Variants in PDE4D observed in about 807,000 individuals in gnomAD.
PDE4D encodes the protein 3',5'-cyclic-AMP phosphodiesterase 4D.
A neutral mutation model predicts 87.4 loss-of-function variants in PDE4D; 24 were observed. The observed-to-expected ratio is 0.27, with a 90% CI of 0.20 to 0.39. The LOEUF (loss-of-function observed/expected upper bound fraction) is 0.39. Ranked by LOEUF, PDE4D falls within the 10% of genes least tolerant of loss-of-function variation. The probability of loss-of-function intolerance (pLI) is 1.00; values close to 1 mark genes in which losing one functional copy is unlikely to be tolerated. For missense variants in PDE4D, 714 were observed against 1,041.0 expected (o/e 0.69, Z 4.32); for synonymous variants, 384 against 383.2 (o/e 1.00, Z -0.02).
At chr5:59,936,445 T>G (rs1756589884) in intron 3 of PDE4D, among the ~76,000 whole-genome samples, 1 of 152,216 alleles carries the variant, frequency 6.6e-6, no homozygotes, top group Non-Finnish European at 1.5e-5. Context: ...CTCAGGTGAT[T>G]CATTTATTAA....
chr5:58,979,773 T>A (rs11951359), intron 11 of PDE4D, among the ~76,000 whole-genome samples: 124 of 152,228 alleles, frequency 8.1e-4, no homozygotes, highest in African/African-American at 2.7e-3. Flanking sequence ...ACTTCTATAC[T>A]ACTTTGTACC....
At chr5:59,851,692 T>C (rs1007102336) in intron 1 of PDE4D, among the ~76,000 whole-genome samples, 3 of 151,964 alleles carry the variant, frequency 2.0e-5, no homozygotes, top group African/African-American at 7.2e-5. Flanking sequence ...GAGGTCAGGG[T>C]CAAATGAAGT....
At chr5:59,959,426 G>T (rs1045684405) in intron 3 of PDE4D, among the ~76,000 whole-genome samples, 1 of 152,010 alleles carries the variant, frequency 6.6e-6, no homozygotes, top group African/African-American at 2.4e-5. Flanking sequence ...TAAAGAAAAA[G>T]AACAAAGCCA....
intron 1 of PDE4D, among the ~76,000 whole-genome samples, chr5:59,587,837 G>C (rs1279294585): frequency 6.6e-6 from 1 of 152,306 alleles, no homozygotes; most frequent in Middle Eastern, 3.4e-3. Context: ...TAAACAAGGA[G>C]AAGCCTGTAA....
intron 1 of PDE4D, among the ~76,000 whole-genome samples, chr5:60,332,009 G>A (rs908395573): frequency 1.3e-5 from 2 of 152,234 alleles, no homozygotes; most frequent in African/African-American, 2.4e-5. Context: ...TCTCACTCTA[G>A]CTGTTGGATA....
intron 1 of PDE4D, among the ~76,000 whole-genome samples, chr5:60,423,567 C>T (rs1743339359): frequency 6.6e-6 from 1 of 151,990 alleles, no homozygotes; most frequent in African/African-American, 2.4e-5. Flanking sequence ...AAATTTATAG[C>T]ACTAAATGCA....
At chr5:60,317,462 A>G (rs1242853848) in intron 1 of PDE4D, among the ~76,000 whole-genome samples, 1 of 151,878 alleles carries the variant, frequency 6.6e-6, no homozygotes, top group African/African-American at 2.4e-5. Context: ...TGATTTTTTG[A>G]AGGGTTTTTT....
intron 1 of PDE4D, among the ~76,000 whole-genome samples, chr5:59,441,747 ATTCTAATTAACT>A (rs1397015396): frequency 6.6e-6 from 1 of 152,180 alleles, no homozygotes; most frequent in Non-Finnish European, 1.5e-5. Flanking sequence ...CTACCATCCA[ATTCTAATTAACT>A]GTGCACTTGA....
At chr5:59,847,544 C>A (rs1744047169) in intron 1 of PDE4D, among the ~76,000 whole-genome samples, 1 of 152,076 alleles carries the variant, frequency 6.6e-6, no homozygotes, top group South Asian at 2.1e-4. Flanking sequence ...CAGTCAAATT[C>A]TTCACGAGTC....
intron 1 of PDE4D, among the ~76,000 whole-genome samples, chr5:59,724,689 T>A (rs1021854613): frequency 3.9e-5 from 6 of 152,030 alleles, no homozygotes; most frequent in Non-Finnish European, 5.9e-5. Flanking sequence ...TGGGTGTGAG[T>A]GCACCACCAG....
intron 3 of PDE4D, among the ~76,000 whole-genome samples, chr5:59,973,848 CA>C (rs1471486182): frequency 6.6e-6 from 1 of 151,926 alleles, no homozygotes; most frequent in East Asian, 1.9e-4. Context: ...AACAAACAAA[CA>C]AAAAAATGAC....
intron 1 of PDE4D, among the ~76,000 whole-genome samples, chr5:59,445,723 T>C (rs889474842): frequency 9.2e-5 from 14 of 152,354 alleles, no homozygotes; most frequent in South Asian, 2.1e-4. Flanking sequence ...CTGGGAATTA[T>C]GTCATGTTGC....
chr5:59,124,094 C>A (rs1004300485), intron 5 of PDE4D, among the ~76,000 whole-genome samples: 1 of 152,164 alleles, frequency 6.6e-6, no homozygotes, highest in Admixed American at 6.5e-5. Flanking sequence ...CTTTTCCTAG[C>A]CCAAGTCCAG....
At position 59,443,075 on chromosome 5, in the gene PDE4D, C is replaced by A. The variant is rs545618513; in HGVS notation, c.456-227107G>T. On this transcript the variant is annotated intron_variant, in intron 1 of 14. Coordinates refer to ENST00000340635, the MANE Select transcript of PDE4D (RefSeq NM_001104631.2). ...CCCTGTCCTCACAAAGCTTACAATACTTTTTAGAAGAAATGACTTAAACAC... is the reference window on the plus strand; with the variant it reads ...CCCTGTCCTCACAAAGCTTACAATAATTTTTAGAAGAAATGACTTAAACAC... Among the ~76,000 whole-genome samples, 18 of 152,262 alleles carry A rather than the reference C, an allele frequency of 1.2e-4. 1 individual carries two copies. The South Asian group carries it at 3.7e-3, about 32-fold the overall frequency.
chr5:59,576,833 C>T (rs1823244867), intron 1 of PDE4D, among the ~76,000 whole-genome samples: 1 of 152,164 alleles, frequency 6.6e-6, no homozygotes, highest in Non-Finnish European at 1.5e-5. Flanking sequence ...AAAAATAGGA[C>T]TTTTCCCACA....
At chr5:59,746,943 A>G (rs1759699553) in intron 1 of PDE4D, among the ~76,000 whole-genome samples, 1 of 151,970 alleles carries the variant, frequency 6.6e-6, no homozygotes, top group African/African-American at 2.4e-5. Context: ...CTCCCCTCCT[A>G]ATCCAGTTTT....
chr5:59,493,422 G>A (rs552352293), intron 1 of PDE4D, among the ~76,000 whole-genome samples: 3 of 152,222 alleles, frequency 2.0e-5, no homozygotes, highest in Non-Finnish European at 4.4e-5. Context: ...CACTGGAATC[G>A]AGTTTACTAT....
chr5:59,441,795 C>T (rs1160339449), intron 1 of PDE4D, among the ~76,000 whole-genome samples: 1 of 152,178 alleles, frequency 6.6e-6, no homozygotes, highest in Non-Finnish European at 1.5e-5. Context: ...TATTAGCAAG[C>T]TTAAATAACT....
Position 59,596,094 on chromosome 5 carries a change from G to A in PDE4D, c.455+297074C>T, listed in dbSNP as rs1826642498. On this transcript the variant is annotated intron_variant, in intron 1 of 14. Transcript: ENST00000340635. Reference sequence around the variant, plus strand: ...CTGCATCAGAGGCTGCAGGTAAAATGCCATTTAAAATCCAAAGGCCCCATC... The same window carrying A: ...CTGCATCAGAGGCTGCAGGTAAAATACCATTTAAAATCCAAAGGCCCCATC... 2.0e-5 allele frequency among the ~76,000 whole-genome samples: 3 copies of A among 151,484 alleles called. No homozygotes were observed. The South Asian group carries it at 6.2e-4, about 31-fold the overall frequency.
Sources: gnomAD v4.1 joint callset for allele counts (sites outside exome capture counted in the v4.1 genomes callset) on GRCh38, gnomAD v4.1.1 for gene constraint, MANE v1.5 for transcripts, NCBI Gene and HGNC (gene_info 2026-07-23, HGNC 2026-07-21) for gene names.